TBX18: variants seen among roughly 807,000 people sequenced by gnomAD.
TBX18 encodes T-box transcription factor TBX18.
TBX18 carries 21 observed loss-of-function variants against 55.0 expected under a neutral mutation model. The observed-to-expected ratio is 0.38, with a 90% CI of 0.27 to 0.55. TBX18 has a LOEUF of 0.55. TBX18 is among the 20% of genes least tolerant of loss of function. The probability of loss-of-function intolerance (pLI) is 0.73; values close to 1 mark genes in which losing one functional copy is unlikely to be tolerated. For synonymous variants in TBX18, 342 were observed against 326.1 expected (o/e 1.05, Z -0.53); for missense variants, 840 against 799.6 (o/e 1.05, Z -0.61).
At position 84,737,148 on chromosome 6, in the gene TBX18, G is replaced by C; in HGVS notation, c.1361C>G (p.Thr454Ser). The C allele has an allele frequency of 6.2e-7, 1 of 1,614,144 alleles. No individual in the cohort carries two copies. The highest frequency in any genetic ancestry group is 1.1e-5 in the South Asian group (1 of 91,078). ...QAGETFAPPR[T>S]PSYVGVSSST... ...GCTGCTCACGCCCACATAGGAGGGA[G>C]TCCTGGGCGGGGCAAAGGTCTCACC... The change falls in exon 8 of 8, where the codon ACT becomes AGT. Residue 454 changes from threonine to serine, a missense_variant. By Grantham distance (58) the Thr-to-Ser change is moderately conservative (BLOSUM62 1). Coordinates refer to ENST00000369663, the MANE Select transcript of TBX18 (RefSeq NM_001080508.3).
At chr6:84,746,512 A>G (rs1171193792) in intron 5 of TBX18, among the ~76,000 whole-genome samples, 6 of 146,574 alleles carry the variant, frequency 4.1e-5, no homozygotes, top group African/African-American at 1.5e-4. Context: ...TGATATTTAT[A>G]ATTTTAATAT....
chr6:84,753,091 T>C (rs1022557730), intron 4 of TBX18, among the ~76,000 whole-genome samples: 4 of 152,110 alleles, frequency 2.6e-5, no homozygotes, highest in African/African-American at 9.7e-5. Context: ...AAAGCCAGCA[T>C]AAAGCTCGCT....
At position 84,764,283 on chromosome 6, in the gene TBX18, C is replaced by T. The variant is rs1767757026; in HGVS notation, c.-102G>A. 7.5e-7 allele frequency: 1 copy of T among 1,332,290 alleles called. No homozygotes were observed. The highest frequency in any genetic ancestry group is 9.6e-7 in the Non-Finnish European group (1 of 1,037,784). 82.5% of individuals were successfully genotyped at this position (1,332,290 alleles called of 1,614,324 possible). On this transcript the variant is annotated 5_prime_UTR_variant, in exon 1 of 8. Coordinates refer to ENST00000369663, the MANE Select transcript of TBX18 (RefSeq NM_001080508.3). ...ACCAAAAACTAAAAGGCTCTCGGGGCCTCCCGAGATCTGCCCCCTTCCCCA... is the reference window on the plus strand; with the variant it reads ...ACCAAAAACTAAAAGGCTCTCGGGGTCTCCCGAGATCTGCCCCCTTCCCCA...
At position 84,763,948 on chromosome 6, in the gene TBX18, C is replaced by A. The variant is rs763263155; in HGVS notation, c.234G>T (p.Pro78=). 4 of 1,579,956 alleles carry A rather than the reference C, an allele frequency of 2.5e-6. No homozygotes were observed. Among genetic ancestry groups the A allele is most frequent in the South Asian group, 2.3e-5 (2 of 88,004 alleles). ...GAGCCGGCCCAGACGTCGCCCCAGCCGGCGGCGGGAGCGCAGCGCCTTCGT... is the reference window on the plus strand; with the variant it reads ...GAGCCGGCCCAGACGTCGCCCCAGCAGGCGGCGGGAGCGCAGCGCCTTCGT... The part of the protein sequence containing the change: ...EGDEGAALPP[P]AGATSGPARS... Residue 78 remains proline (P), a synonymous_variant, in exon 1 of 8, where the codon CCG becomes CCT. Coordinates refer to ENST00000369663, the MANE Select transcript of TBX18 (RefSeq NM_001080508.3).
rs767333548 is a variant in TBX18 at position 84,737,382 on chromosome 6, T to C, written c.1127A>G (p.Gln376Arg). 1.3e-6 allele frequency: 2 copies of C among 1,520,790 alleles called. No homozygotes were observed. Among genetic ancestry groups the C allele is most frequent in the Non-Finnish European group, 1.8e-6 (2 of 1,134,448 alleles). 94.2% of individuals were successfully genotyped at this position (1,520,790 alleles called of 1,614,324 possible). A position where few individuals can be genotyped will look rare whatever the true frequency, so the allele number is the denominator to read the frequency against. Residue 376 changes from glutamine to arginine, a missense_variant, in exon 8 of 8, where the codon CAA becomes CGA. Gln to Arg is a conservative substitution (Grantham distance 43). Transcript: ENST00000369663. ...GGCAGGAACGCCATTCCCAGTACCT[T>C]GGAGCAAGGTGGAGGAACTTGCATT... is the stretch of plus-strand genomic sequence containing the variant. ...QGNASSSTLL[Q>R]GTGNGVPATH... is the part of the protein sequence containing the mutation.
chr6:84,756,436 G>T (rs2127879456), intron 4 of TBX18, among the ~76,000 whole-genome samples: 1 of 152,298 alleles, frequency 6.6e-6, no homozygotes, highest in South Asian at 2.1e-4. Flanking sequence ...CAAATGTTTT[G>T]CCTAACAACA....
chr6:84,760,669 G>A (rs143853414), intron 2 of TBX18, among the ~76,000 whole-genome samples: 27 of 152,062 alleles, frequency 1.8e-4, no homozygotes, highest in African/African-American at 5.8e-4. Flanking sequence ...AAACAAAATC[G>A]ATAAGCATAT....
chr6:84,745,019 G>A (rs1767145706), intron 5 of TBX18, among the ~76,000 whole-genome samples: 1 of 152,088 alleles, frequency 6.6e-6, no homozygotes, highest in African/African-American at 2.4e-5. Context: ...AAAAATAAAT[G>A]ATGCTTTCAC....
At chr6:84,754,510 T>C (rs1426601207) in intron 4 of TBX18, among the ~76,000 whole-genome samples, 3 of 152,310 alleles carry the variant, frequency 2.0e-5, no homozygotes, top group Non-Finnish European at 4.4e-5. Context: ...AGTTAGACAA[T>C]ATACATCTCT....
intron 4 of TBX18, among the ~76,000 whole-genome samples, chr6:84,754,452 T>C (rs542582600): frequency 8.5e-5 from 13 of 152,320 alleles, no homozygotes; most frequent in African/African-American, 3.1e-4. Flanking sequence ...GTACCTGTAT[T>C]TATTCAACTA....
chr6:84,738,603 G>A lies in TBX18; in HGVS notation c.1005-12C>T, dbSNP rs748315089. On this transcript the variant is annotated splice_polypyrimidine_tract_variant and intron_variant, in intron 6 of 7. Coordinates refer to ENST00000369663, the MANE Select transcript of TBX18 (RefSeq NM_001080508.3). ...CTTCCAAACCCATTCTAAATGGAAA[G>A]GGTCAGGATAGGGGTGGACAAAAGA... 27 of 1,608,562 alleles carry A rather than the reference G, an allele frequency of 1.7e-5. No homozygotes were observed. The East Asian group carries it at 5.8e-4, about 35-fold the overall frequency.
At chr6:84,753,252 C>T (rs1288492585) in intron 4 of TBX18, among the ~76,000 whole-genome samples, 1 of 152,140 alleles carries the variant, frequency 6.6e-6, no homozygotes, top group Non-Finnish European at 1.5e-5. Flanking sequence ...TCACTTTTGG[C>T]AAAACCTCAA....
At chr6:84,747,815 G>A in intron 5 of TBX18, 105 bp downstream of exon 5, 2 of 1,078,090 alleles carry the variant, frequency 1.9e-6, no homozygotes, top group Non-Finnish European at 2.6e-6. Context: ...GTCATATATG[G>A]CAAATGCTTT....
At chr6:84,754,482 T>C (rs1010591212) in intron 4 of TBX18, among the ~76,000 whole-genome samples, 4 of 152,138 alleles carry the variant, frequency 2.6e-5, no homozygotes, top group African/African-American at 9.7e-5. Flanking sequence ...GCTACAACCT[T>C]AAAAGAAAAA....
rs551216407 is a variant in TBX18 at position 84,764,199 on chromosome 6, C to A, written c.-18G>T. On this transcript the variant is annotated 5_prime_UTR_variant, in exon 1 of 8. Coordinates refer to ENST00000369663, the MANE Select transcript of TBX18 (RefSeq NM_001080508.3). Reference sequence around the variant, plus strand: ...TCGGCCATCCCCCCCGCCCCGCGCCCGCCCGCCCCTCTCTCATATACACTC... The same window carrying A: ...TCGGCCATCCCCCCCGCCCCGCGCCAGCCCGCCCCTCTCTCATATACACTC... 269 of 1,435,602 alleles carry A rather than the reference C, an allele frequency of 1.9e-4. 1 individual carries two copies. In the African/African-American group the frequency reaches 3.4e-3, roughly 18 times the overall value. The allele number at this position is 1,435,602 out of a possible 1,614,324, so 88.9% of individuals were successfully genotyped here. A position where few individuals can be genotyped will look rare whatever the true frequency, so the allele number is the denominator to read the frequency against.
chr6:84,744,619 T>C (rs1767133546), intron 5 of TBX18, among the ~76,000 whole-genome samples: 1 of 152,186 alleles, frequency 6.6e-6, no homozygotes, highest in African/African-American at 2.4e-5. Context: ...CTGAATCATC[T>C]GTTGGTAACG....
intron 4 of TBX18, among the ~76,000 whole-genome samples, chr6:84,751,747 T>C (rs1027137898): frequency 1.3e-5 from 2 of 152,194 alleles, no homozygotes. Context: ...AAAAGCAATT[T>C]AGACAGCAAG....
intron 2 of TBX18, among the ~76,000 whole-genome samples, chr6:84,760,558 G>A (rs756369435): frequency 6.6e-6 from 1 of 152,148 alleles, no homozygotes; most frequent in African/African-American, 2.4e-5. Context: ...GTTGCACCCT[G>A]TGTACATGTG....
intron 6 of TBX18, chr6:84,741,361 T>A (rs969772): frequency 1.3e-5 from 2 of 152,104 alleles, no homozygotes; most frequent in South Asian, 2.1e-4. Flanking sequence ...ATGTTTTTCC[T>A]GAAGTATTTA....
Sources: gnomAD v4.1 joint callset for allele counts (sites outside exome capture counted in the v4.1 genomes callset) on GRCh38, gnomAD v4.1.1 for gene constraint, MANE v1.5 for transcripts, NCBI Gene and HGNC (gene_info 2026-07-23, HGNC 2026-07-21) for gene names.